TOE1: variants seen among roughly 807,000 people sequenced by gnomAD.
TOE1 encodes the protein target of EGR1, exonuclease, also known as target of EGR1 protein 1.
TOE1 carries 50 observed loss-of-function variants against 49.2 expected under a neutral mutation model. The ratio of observed to expected loss-of-function variants is 1.02; its 90% CI spans 0.81 to 1.29. TOE1 has a LOEUF of 1.29. Among genes scored for constraint, TOE1 ranks in the 50% most tolerant of loss-of-function variants. The probability of loss-of-function intolerance (pLI) is 0.00; values close to 1 mark genes in which losing one functional copy is unlikely to be tolerated. For synonymous variants in TOE1, 221 were observed against 247.0 expected (o/e 0.89, Z 0.99); for missense variants, 544 against 654.4 (o/e 0.83, Z 1.84).
At chr1:45,340,998 C>G in intron 1 of TOE1, 75 bp from the exon 2 acceptor site, 3 of 1,598,148 alleles carry the variant, frequency 1.9e-6, no homozygotes, top group Non-Finnish European at 2.6e-6. Context: ...CCACCATCAC[C>G]GTGGCCTAGC....
Position 45,343,935 on chromosome 1 carries a change from T to G in TOE1, c.*233T>G. On this transcript the variant is annotated 3_prime_UTR_variant, in exon 8 of 8. Coordinates refer to ENST00000372090, the MANE Select transcript of TOE1 (RefSeq NM_025077.4). This position sits in a 1 kb window ranked among gnomAD's most constrained non-coding sequence, Gnocchi z 4.3. Reference sequence around the variant, plus strand: ...GTCTGAAAATGTCTTGGGAAAGTTTTACAAAAAAAAAAATCAACAGAAGCA... The same window carrying G: ...GTCTGAAAATGTCTTGGGAAAGTTTGACAAAAAAAAAAATCAACAGAAGCA... 1 of 426,654 alleles carries G rather than the reference T, an allele frequency of 2.3e-6. No individual in the cohort carries two copies. The highest frequency in any genetic ancestry group is 4.1e-6 in the Non-Finnish European group (1 of 240,976). The allele number at this position is 426,654 out of a possible 1,614,324, so 26.4% of individuals were successfully genotyped here.
At position 45,340,295 on chromosome 1, in the gene TOE1, G is replaced by A; in HGVS notation, c.43G>A (p.Ala15Thr). 6.2e-7 allele frequency: 1 copy of A among 1,613,208 alleles called. No individual in the cohort carries two copies. The highest frequency in any genetic ancestry group is 8.5e-7 in the Non-Finnish European group (1 of 1,179,826). ...SDDGAVSAPA[A>T]SDGGVSKSTT... is the part of the protein sequence containing the mutation. ...CGATGGCGCAGTTTCAGCTCCCGCAGCTTCCGACGGTGAGCGGCTTCCCAG... is the reference window on the plus strand; with the variant it reads ...CGATGGCGCAGTTTCAGCTCCCGCAACTTCCGACGGTGAGCGGCTTCCCAG... The change falls in exon 1 of 8, where the codon GCT (alanine) becomes ACT (threonine). Residue 15 changes from alanine to threonine, a missense_variant. By Grantham distance (58) the Ala-to-Thr change is moderately conservative. Transcript: ENST00000372090.
At position 45,343,366 on chromosome 1, in the gene TOE1, C is replaced by T; in HGVS notation, c.1197C>T (p.Asn399=). The T allele has an allele frequency of 6.2e-7, 1 of 1,613,994 alleles. No individual in the cohort carries two copies. The highest frequency in any genetic ancestry group is 8.5e-7 in the Non-Finnish European group (1 of 1,180,004). The change falls in exon 8 of 8, where the codon AAC becomes AAT. Residue 399 remains asparagine (N), a synonymous_variant. Coordinates refer to ENST00000372090, the MANE Select transcript of TOE1 (RefSeq NM_025077.4). This position sits in a 1 kb window ranked among gnomAD's most constrained non-coding sequence, Gnocchi z 4.3. ...TRNLPHSKQG[N]KNDLEMGIKA... ...ACCTGCCTCACTCCAAGCAAGGCAA[C>T]AAAAATGACTTAGAGATGGGGATTA...
Position 45,343,366 on chromosome 1 carries a change from C to G in TOE1, c.1197C>G (p.Asn399Lys), listed in dbSNP as rs762898999. 1.9e-6 allele frequency: 3 copies of G among 1,613,994 alleles called. No individual in the cohort carries two copies. In the South Asian group the frequency reaches 3.3e-5, roughly 18 times the overall value. The change falls in exon 8 of 8, where the codon AAC (asparagine) becomes AAG (lysine). Residue 399 changes from asparagine to lysine, a missense_variant. By Grantham distance (94) the Asn-to-Lys change is moderately conservative. Coordinates refer to ENST00000372090, the MANE Select transcript of TOE1 (RefSeq NM_025077.4). The surrounding 1 kb of genome is among the most constrained non-coding windows in gnomAD (Gnocchi z 4.3). ...TRNLPHSKQGNKNDLEMGIKA... is the reference protein window; with the variant it reads ...TRNLPHSKQGKKNDLEMGIKA... ...ACCTGCCTCACTCCAAGCAAGGCAA[C>G]AAAAATGACTTAGAGATGGGGATTA...
chr1:45,341,756 G>C (rs1647000474), intron 4 of TOE1, among the ~76,000 whole-genome samples, 187 bp downstream of exon 4: 1 of 151,514 alleles, frequency 6.6e-6, no homozygotes, highest in Admixed American at 6.6e-5. Context: ...AAGTTCTTTA[G>C]TGGCAATTTC....
chr1:45,343,569 C>G lies in TOE1; in HGVS notation c.1400C>G (p.Pro467Arg). The change falls in exon 8 of 8, where the codon CCC (proline) becomes CGC (arginine). Residue 467 changes from proline to arginine, a missense_variant. By Grantham distance (103) the Pro-to-Arg change is moderately radical. Transcript: ENST00000372090. This position sits in a 1 kb window ranked among gnomAD's most constrained non-coding sequence, Gnocchi z 4.3. ...SQGPQPCSSG[P>R]WLPECHNKVY... ...GGACCGCAGCCCTGCAGCTCTGGACCCTGGCTCCCTGAATGCCACAATAAG... is the reference window on the plus strand; with the variant it reads ...GGACCGCAGCCCTGCAGCTCTGGACGCTGGCTCCCTGAATGCCACAATAAG... 1 of 1,613,982 alleles carries G rather than the reference C, an allele frequency of 6.2e-7. No individual in the cohort carries two copies. Among genetic ancestry groups the G allele is most frequent in the Non-Finnish European group, 8.5e-7 (1 of 1,180,008 alleles).
Position 45,342,393 on chromosome 1 carries a change from A to G in TOE1, c.502A>G (p.Ser168Gly), listed in dbSNP as rs780430714. The G allele has an allele frequency of 6.2e-7, 1 of 1,613,928 alleles. No homozygotes were observed. Among genetic ancestry groups the G allele is most frequent in the South Asian group, 1.1e-5 (1 of 91,048 alleles). ...YHKGNDKGDESQSQSVRTLFL... is the reference protein window; with the variant it reads ...YHKGNDKGDEGQSQSVRTLFL... ...CTTTACTTTCATCTAGGGTGATGAGAGCCAGAGCCAGTCAGTACGGACCCT... is the reference window on the plus strand; with the variant it reads ...CTTTACTTTCATCTAGGGTGATGAGGGCCAGAGCCAGTCAGTACGGACCCT... Residue 168 changes from serine to glycine, a missense_variant, in exon 6 of 8, where the codon AGC (serine) becomes GGC (glycine). Physicochemically the swap from Ser to Gly is moderately conservative, Grantham distance 56. Coordinates refer to ENST00000372090, the MANE Select transcript of TOE1 (RefSeq NM_025077.4).
chr1:45,343,375 C>T lies in TOE1; in HGVS notation c.1206C>T (p.Asp402=). The change falls in exon 8 of 8, where the codon GAC becomes GAT. Residue 402 remains aspartate (D), a synonymous_variant. Transcript: ENST00000372090. This position sits in a 1 kb window ranked among gnomAD's most constrained non-coding sequence, Gnocchi z 4.3. Reference sequence around the variant, plus strand: ...ACTCCAAGCAAGGCAACAAAAATGACTTAGAGATGGGGATTAAGGCAGCAA... The same window carrying T: ...ACTCCAAGCAAGGCAACAAAAATGATTTAGAGATGGGGATTAAGGCAGCAA... ...LPHSKQGNKN[D]LEMGIKAARP... is the part of the protein sequence containing the mutation. The T allele has an allele frequency of 6.2e-7, 1 of 1,614,012 alleles. No individual in the cohort carries two copies.
chr1:45,340,482 AGC>A, intron 1 of TOE1, 178 bp downstream of exon 1: 1 of 1,459,506 alleles, frequency 6.9e-7, no homozygotes, highest in Non-Finnish European at 9.0e-7. Context: ...AAAAGCCTGG[AGC>A]GTTGGGAGCA....
Position 45,343,776 on chromosome 1 carries a change from T to C in TOE1, c.*74T>C. 3 of 1,509,992 alleles carry C rather than the reference T, an allele frequency of 2.0e-6. No individual in the cohort carries two copies. The South Asian group carries it at 3.8e-5, about 19-fold the overall frequency. 93.5% of individuals were successfully genotyped at this position (1,509,992 alleles called of 1,614,324 possible). ...TCTAGCCTGAAATGTCATCCTCAAC[T>C]GCTACTGAGTTTAGGGGAGGGGGAA... is the stretch of plus-strand genomic sequence containing the variant. On this transcript the variant is annotated 3_prime_UTR_variant, in exon 8 of 8. Transcript: ENST00000372090. This position sits in a 1 kb window ranked among gnomAD's most constrained non-coding sequence, Gnocchi z 4.3.
In TOE1 at chr1:45,343,359, A is replaced by C; in HGVS notation, c.1190A>C (p.Gln397Pro). 1.2e-6 allele frequency: 2 copies of C among 1,614,078 alleles called. No homozygotes were observed. The highest frequency in any genetic ancestry group is 1.7e-6 in the Non-Finnish European group (2 of 1,180,008). ...DETRNLPHSK[Q>P]GNKNDLEMGI... ...ACTAGGAACCTGCCTCACTCCAAGC[A>C]AGGCAACAAAAATGACTTAGAGATG... Residue 397 changes from glutamine (Q) to proline (P), a missense_variant, in exon 8 of 8, where the codon CAA becomes CCA. By Grantham distance (76) the Gln-to-Pro change is moderately conservative. Coordinates refer to ENST00000372090, the MANE Select transcript of TOE1 (RefSeq NM_025077.4). This position sits in a 1 kb window ranked among gnomAD's most constrained non-coding sequence, Gnocchi z 4.3.
At chr1:45,340,968 A>G (rs982855527) in intron 1 of TOE1, 105 bp from the exon 2 acceptor site, 3 of 1,506,324 alleles carry the variant, frequency 2.0e-6, no homozygotes, top group Admixed American at 1.8e-5. Context: ...AAAAGCTACC[A>G]ATGGAAACTA....
At position 45,342,977 on chromosome 1, in the gene TOE1, C is replaced by T. The variant is rs1647070147; in HGVS notation, c.887C>T (p.Pro296Leu). 1 of 1,613,762 alleles carries T rather than the reference C, an allele frequency of 6.2e-7. No individual in the cohort carries two copies. The highest frequency in any genetic ancestry group is 1.7e-5 in the Admixed American group (1 of 59,960). Residue 296 changes from proline to leucine, a missense_variant, in exon 7 of 8, where the codon CCC (proline) becomes CTC (leucine). Pro to Leu is a moderately conservative substitution (Grantham distance 98). Transcript: ENST00000372090. ...CLPPATHRPH[P>L]TSICDNFSAY... ...CCCCCAGCAACCCACCGTCCTCATC[C>T]CACCAGCATCTGTGACAACTTCTCG...
At position 45,343,631 on chromosome 1, in the gene TOE1, G is replaced by A. The variant is rs1647092704; in HGVS notation, c.1462G>A (p.Ala488Thr). 1.9e-6 allele frequency: 3 copies of A among 1,613,818 alleles called. No individual in the cohort carries two copies. The highest frequency in any genetic ancestry group is 1.3e-5 in the African/African-American group (1 of 74,902). ...LSGKAVPLTVAKSQFSRSSKA... is the reference protein window; with the variant it reads ...LSGKAVPLTVTKSQFSRSSKA... ...TGGCAAAGCTGTACCCCTCACAGTGGCCAAGAGCCAGTTCTCTCGTTCCTC... is the reference window on the plus strand; with the variant it reads ...TGGCAAAGCTGTACCCCTCACAGTGACCAAGAGCCAGTTCTCTCGTTCCTC... The change falls in exon 8 of 8, where the codon GCC becomes ACC. Residue 488 changes from alanine to threonine, a missense_variant. Transcript: ENST00000372090. The surrounding 1 kb of genome is among the most constrained non-coding windows in gnomAD (Gnocchi z 4.3).
chr1:45,340,650 G>A lies in TOE1; in HGVS notation c.52+346G>A, dbSNP rs911017617. On this transcript the variant is annotated intron_variant, in intron 1 of 7. Coordinates refer to ENST00000372090, the MANE Select transcript of TOE1 (RefSeq NM_025077.4). ...CTGGTGTGGGGCACTGCCAGGCTCT[G>A]GGGCTTACTGGGAGCTGTTGCTTGT... 4 of 1,189,112 alleles carry A rather than the reference G, an allele frequency of 3.4e-6. No homozygotes were observed. The African/African-American group carries it at 6.1e-5, about 18-fold the overall frequency. The allele number at this position is 1,189,112 out of a possible 1,614,324, so 73.7% of individuals were successfully genotyped here.
chr1:45,340,189 G>T lies in TOE1; in HGVS notation c.-64G>T, dbSNP rs371476312. ...CCCCATCCCCGACTGCCTGAACCGC[G>T]CCAGGAGACGGACCGCAAGTCCAGC... On this transcript the variant is annotated 5_prime_UTR_variant, in exon 1 of 8. Transcript: ENST00000372090. The T allele has an allele frequency of 1.6e-4, 265 of 1,612,994 alleles. 1 individual carries two copies. The African/African-American group carries it at 3.1e-3, about 19-fold the overall frequency.
chr1:45,342,658 G>A lies in TOE1; in HGVS notation c.752+15G>A, dbSNP rs1647058737. On this transcript the variant is annotated intron_variant, in intron 6 of 7. Coordinates refer to ENST00000372090, the MANE Select transcript of TOE1 (RefSeq NM_025077.4). The stretch of plus-strand genomic sequence containing the variant: ...TTCCGGAAATGGTGAGGAAATGGTT[G>A]AGGGAAAGGGGTGGGGCCTGATACG... The A allele has an allele frequency of 6.2e-7, 1 of 1,612,616 alleles. No homozygotes were observed. Among genetic ancestry groups the A allele is most frequent in the South Asian group, 1.1e-5 (1 of 91,052 alleles).
chr1:45,342,509 C>T lies in TOE1; in HGVS notation c.618C>T (p.His206=), dbSNP rs1393669407. 6.2e-7 allele frequency: 1 copy of T among 1,614,162 alleles called. No homozygotes were observed. Among genetic ancestry groups the T allele is most frequent in the African/African-American group, 1.3e-5 (1 of 75,020 alleles). Residue 206 remains histidine (H), a synonymous_variant, in exon 6 of 8, where the codon CAC becomes CAT. Coordinates refer to ENST00000372090, the MANE Select transcript of TOE1 (RefSeq NM_025077.4). ...TCCTGTACCAGAACTTCTATGCACA[C>T]CTCCCTGAGAGTCTGGGAACCTTCA... ...LVFLYQNFYA[H]LPESLGTFTA...
intron 1 of TOE1, chr1:45,340,632 G>T: frequency 1.6e-6 from 2 of 1,287,306 alleles, no homozygotes; most frequent in Non-Finnish European, 2.0e-6. Flanking sequence ...GCTCTGGTGT[G>T]GGGCACTGCC....
Sources: gnomAD v4.1 joint callset for allele counts (sites outside exome capture counted in the v4.1 genomes callset) on GRCh38, gnomAD v4.1.1 for gene constraint, Gnocchi (gnomAD v3.1) non-coding constraint, MANE v1.5 for transcripts, NCBI Gene and HGNC (gene_info 2026-07-23, HGNC 2026-07-21) for gene names.